Variants in SUGP1 observed in about 807,000 individuals in gnomAD.
SUGP1 encodes SURP and G-patch domain-containing protein 1.
SUGP1 carries 34 observed loss-of-function variants against 76.5 expected under a neutral mutation model. That is an observed-to-expected ratio of 0.44 (90% CI 0.34 to 0.59). The LOEUF (loss-of-function observed/expected upper bound fraction) is 0.59. SUGP1 is among the 20% of genes least tolerant of loss of function. SUGP1 has a pLI of 0.01. For synonymous variants in SUGP1, 326 were observed against 326.2 expected (o/e 1.00, Z 0.01); for missense variants, 752 against 851.7 (o/e 0.88, Z 1.46).
chr19:19,276,953 G>C lies in SUGP1; in HGVS notation c.1905C>G (p.Asn635Lys). ...RMMLAYRFRP[N>K]PLNNPRRPYY ...CCCAGGAGGACATGCGTACCAGGGG[G>C]TTGGGCCGGAAGCGGTAGGCCAGCA... The change falls in exon 13 of 14, where the codon AAC becomes AAG. Residue 635 changes from asparagine (N) to lysine (K), a missense_variant. Physicochemically the swap from Asn to Lys is moderately conservative, Grantham distance 94 (BLOSUM62 0). Coordinates refer to ENST00000247001, the MANE Select transcript of SUGP1 (RefSeq NM_172231.4). 6.2e-7 allele frequency: 1 copy of C among 1,613,042 alleles called. No homozygotes were observed. The highest frequency in any genetic ancestry group is 8.5e-7 in the Non-Finnish European group (1 of 1,180,014).
chr19:19,276,516 T>G lies in SUGP1; in HGVS notation c.*132A>C, dbSNP rs3033089. 1 of 1,077,178 alleles carries G rather than the reference T, an allele frequency of 9.3e-7. No individual in the cohort carries two copies. 66.7% of individuals were successfully genotyped at this position (1,077,178 alleles called of 1,614,324 possible). On this transcript the variant is annotated 3_prime_UTR_variant, in exon 14 of 14. Coordinates refer to ENST00000247001, the MANE Select transcript of SUGP1 (RefSeq NM_172231.4). ...CTGCAACAGGACCAGGCATCTGTGG[T>G]GGATGAGCACTGGGACTTTATTACA... is the stretch of plus-strand genomic sequence containing the variant.
Position 19,297,221 on chromosome 19 carries a change from C to A in SUGP1, c.1011G>T (p.Lys337Asn), listed in dbSNP as rs1434034239. The change falls in exon 8 of 14, where the codon AAG (lysine) becomes AAT (asparagine). Residue 337 changes from lysine (K) to asparagine (N), a missense_variant. This residue lies in a region of SUGP1 where 620 missense variants were observed against 617.3 expected (regional missense o/e 1.00). Coordinates refer to ENST00000247001, the MANE Select transcript of SUGP1 (RefSeq NM_172231.4). Reference sequence around the variant, plus strand: ...ACCCTGACAGGGCCTCAGGAGGGGACTTGCGCTTCAGGCCGGGATCAGGTG... The same window carrying A: ...ACCCTGACAGGGCCTCAGGAGGGGAATTGCGCTTCAGGCCGGGATCAGGTG... Reference protein sequence around the residue: ...FTAPDPGLKRKSPPEALSGSL... With the variant: ...FTAPDPGLKRNSPPEALSGSL... 2 of 1,600,350 alleles carry A rather than the reference C, an allele frequency of 1.2e-6. No individual in the cohort carries two copies. The highest frequency in any genetic ancestry group is 4.5e-5 in the East Asian group (2 of 44,540).
chr19:19,296,951 AC>A (rs761145320), intron 8 of SUGP1, 37 bp downstream of exon 8: 2 of 1,488,968 alleles, frequency 1.3e-6, no homozygotes, highest in Non-Finnish European at 9.1e-7. Flanking sequence ...AAGAAGTCAG[AC>A]CCTTCCAACA....
In SUGP1 at chr19:19,276,230, T is replaced by C. The variant is rs2061048498; in HGVS notation, c.*418A>G. 1 of 176,750 alleles carries C rather than the reference T, an allele frequency of 5.7e-6. No homozygotes were observed. Among genetic ancestry groups the C allele is most frequent in the African/African-American group, 2.4e-5 (1 of 42,076 alleles). The allele number at this position is 176,750 out of a possible 1,614,324, so 10.9% of individuals were successfully genotyped here. ...CCATGCCCAGCTAATTTTATATTTTTAGTAGAGACAGGATTTCACCATGTT... is the reference window on the plus strand; with the variant it reads ...CCATGCCCAGCTAATTTTATATTTTCAGTAGAGACAGGATTTCACCATGTT... On this transcript the variant is annotated 3_prime_UTR_variant, in exon 14 of 14. Coordinates refer to ENST00000247001, the MANE Select transcript of SUGP1 (RefSeq NM_172231.4).
At chr19:19,315,180 T>C (rs1446564273) in intron 2 of SUGP1, among the ~76,000 whole-genome samples, 1 of 151,502 alleles carries the variant, frequency 6.6e-6, no homozygotes, top group Non-Finnish European at 1.5e-5. Context: ...AGAAAAAAAT[T>C]AGCCAGGCAT....
intron 2 of SUGP1, among the ~76,000 whole-genome samples, chr19:19,316,092 C>T (rs1219034323): frequency 3.3e-5 from 5 of 152,136 alleles, no homozygotes; most frequent in Admixed American, 3.3e-4. Context: ...CTCAGCCTCC[C>T]AAAGGGCTGA....
Position 19,276,688 on chromosome 19 carries a change from A to C in SUGP1, c.1912-14T>G. 2 of 1,614,134 alleles carry C rather than the reference A, an allele frequency of 1.2e-6. No individual in the cohort carries two copies. Among genetic ancestry groups the C allele is most frequent in the Non-Finnish European group, 1.7e-6 (2 of 1,180,028 alleles). On this transcript the variant is annotated splice_polypyrimidine_tract_variant and intron_variant, in intron 13 of 13. Coordinates refer to ENST00000247001, the MANE Select transcript of SUGP1 (RefSeq NM_172231.4). ...TCTGGGATTGTTCTGTGGAAGGCAA[A>C]ACAGATAACAGGAGGAGGGGATTAG... is the stretch of plus-strand genomic sequence containing the variant.
At chr19:19,313,366 G>C (rs2061366399) in intron 2 of SUGP1, among the ~76,000 whole-genome samples, 1 of 152,148 alleles carries the variant, frequency 6.6e-6, no homozygotes, top group Non-Finnish European at 1.5e-5. Flanking sequence ...TTGCACTCCA[G>C]CCTGGACAAC....
chr19:19,289,171 T>G (rs1187889402), intron 8 of SUGP1, among the ~76,000 whole-genome samples: 1 of 152,140 alleles, frequency 6.6e-6, no homozygotes, highest in Admixed American at 6.6e-5. Context: ...GCTCCCAGGC[T>G]ACAAACCTGT....
In SUGP1 at chr19:19,316,535, G is replaced by A. The variant is rs1361088710; in HGVS notation, c.93C>T (p.Asn31=). ...APPKSGKMNM[N]ILHQEELIAQ... is the part of the protein sequence containing the mutation. ...CGATGAGCTCTTCCTGGTGAAGGAT[G>A]TTCATGTTCATTTTTCCAGATTTAG... is the stretch of plus-strand genomic sequence containing the variant. The change falls in exon 2 of 14, where the codon AAC becomes AAT. Residue 31 remains asparagine (N), a synonymous_variant. Coordinates refer to ENST00000247001, the MANE Select transcript of SUGP1 (RefSeq NM_172231.4). 1.2e-6 allele frequency: 2 copies of A among 1,613,952 alleles called. No individual in the cohort carries two copies. The highest frequency in any genetic ancestry group is 1.1e-5 in the South Asian group (1 of 91,082).
At chr19:19,307,734 C>T (rs1028923155) in intron 3 of SUGP1, among the ~76,000 whole-genome samples, 1 of 151,858 alleles carries the variant, frequency 6.6e-6, no homozygotes, top group East Asian at 1.9e-4. Context: ...GCTCAGCTCA[C>T]GTGAGCAGAG....
chr19:19,293,538 C>G (rs1201937345), intron 8 of SUGP1, among the ~76,000 whole-genome samples: 1 of 151,398 alleles, frequency 6.6e-6, no homozygotes, highest in African/African-American at 2.4e-5. Context: ...GAGCTGAGAT[C>G]ACACCACTCC....
intron 4 of SUGP1, 64 bp downstream of exon 4, chr19:19,305,785 C>T (rs1164872435): frequency 3.3e-6 from 5 of 1,517,708 alleles, no homozygotes; most frequent in Non-Finnish European, 3.6e-6. Flanking sequence ...CCCTGCCCAC[C>T]ACAGATCCCA....
chr19:19,311,479 G>A (rs1026519964), intron 2 of SUGP1, among the ~76,000 whole-genome samples: 6 of 151,974 alleles, frequency 3.9e-5, no homozygotes, highest in African/African-American at 1.4e-4. Context: ...TGTAATCCCA[G>A]CACTTTGGGA....
chr19:19,319,737 A>G (rs1009784899), intron 1 of SUGP1, among the ~76,000 whole-genome samples: 5 of 151,634 alleles, frequency 3.3e-5, no homozygotes, highest in African/African-American at 1.2e-4. Context: ...AAAGAAAGAA[A>G]GAAAGAAAAG....
chr19:19,316,281 A>G (rs967955488), intron 2 of SUGP1, 141 bp downstream of exon 2: 2 of 1,089,954 alleles, frequency 1.8e-6, no homozygotes, highest in Middle Eastern at 2.7e-4. Context: ...GAGCCTCCCA[A>G]GGGCATCTGG....
intron 8 of SUGP1, among the ~76,000 whole-genome samples, chr19:19,287,390 A>C (rs546855362): frequency 6.6e-6 from 1 of 152,024 alleles, no homozygotes; most frequent in Non-Finnish European, 1.5e-5. Context: ...GTGAAACCCT[A>C]TCTCTACAAA....
chr19:19,317,347 T>A (rs567491452), intron 1 of SUGP1, among the ~76,000 whole-genome samples: 1 of 152,128 alleles, frequency 6.6e-6, no homozygotes, highest in East Asian at 1.9e-4. Flanking sequence ...AAGGAGCAGA[T>A]GTGAAAGCTC....
chr19:19,316,670 G>A (rs1377467651), intron 1 of SUGP1, 77 bp from the exon 2 acceptor site: 1 of 1,489,560 alleles, frequency 6.7e-7, no homozygotes, highest in African/African-American at 1.4e-5. Context: ...AGGCCAGAGA[G>A]CAACTGATGT....
Sources: allele counts gnomAD v4.1 joint callset (sites outside exome capture counted in the v4.1 genomes callset), GRCh38; gene constraint gnomAD v4.1.1; regional missense constraint gnomAD v4.1.1; transcripts MANE v1.5; gene names NCBI Gene and HGNC (gene_info 2026-07-23, HGNC 2026-07-21).